EYS: variants seen among roughly 807,000 people sequenced by gnomAD.
EYS encodes protein eyes shut homolog.
In EYS, 250 loss-of-function variants were observed where a neutral mutation model predicts 282.1. That is an observed-to-expected ratio of 0.89 (90% confidence interval 0.80 to 0.98). The LOEUF (loss-of-function observed/expected upper bound fraction) is 0.98. Among genes scored for constraint, EYS ranks in the 50% least tolerant of loss-of-function variants. The pLI is 0.00. For missense variants in EYS, 4,016 were observed against 3,709.0 expected, an observed-to-expected ratio of 1.08 and a Z score of -2.15; for synonymous variants, 1,355 against 1,282.9, an observed-to-expected ratio of 1.06 and a Z score of -1.20.
At chr6:63,805,505 A>G (rs1770881842) in intron 37 of EYS, among the ~76,000 whole-genome samples, 1 of 152,242 alleles carries the variant, frequency 6.6e-6, no homozygotes. Context: ...AACAGAGGAA[A>G]GGACAAATCA....
intron 12 of EYS, among the ~76,000 whole-genome samples, chr6:65,108,015 T>G (rs139690324): frequency 6.6e-6 from 1 of 152,132 alleles, no homozygotes; most frequent in Non-Finnish European, 1.5e-5. Flanking sequence ...TACAATCATG[T>G]TTTTAAAGAA....
intron 13 of EYS, among the ~76,000 whole-genome samples, chr6:65,044,377 A>C (rs1773034867): frequency 6.6e-6 from 1 of 151,480 alleles, no homozygotes; most frequent in Non-Finnish European, 1.5e-5. Context: ...GAAGCTTTTT[A>C]CCTTGATTTC....
At chr6:64,024,563 G>A in intron 33 of EYS, among the ~76,000 whole-genome samples, 1 of 152,068 alleles carries the variant, frequency 6.6e-6, no homozygotes, top group East Asian at 1.9e-4. Context: ...CACTGTGGAA[G>A]CTTTGTTCTT....
intron 22 of EYS, among the ~76,000 whole-genome samples, chr6:64,633,101 T>C (rs1185077402): frequency 6.6e-6 from 1 of 152,178 alleles, no homozygotes; most frequent in East Asian, 1.9e-4. Context: ...ACTTTTATCC[T>C]GAGTAATTCT....
At chr6:64,976,046 T>C (rs1770466736) in intron 14 of EYS, among the ~76,000 whole-genome samples, 1 of 151,892 alleles carries the variant, frequency 6.6e-6, no homozygotes, top group Admixed American at 6.6e-5. Flanking sequence ...CTAACTTTAT[T>C]AAATGAATCT....
At chr6:64,500,781 C>T (rs754745394) in intron 26 of EYS, among the ~76,000 whole-genome samples, 7 of 151,916 alleles carry the variant, frequency 4.6e-5, no homozygotes, top group Non-Finnish European at 1.0e-4. Context: ...CTCAGAGCAT[C>T]CATCAGGAAA....
intron 22 of EYS, among the ~76,000 whole-genome samples, chr6:64,634,615 C>G (rs1380399593): frequency 6.6e-6 from 1 of 150,540 alleles, no homozygotes; most frequent in Non-Finnish European, 1.5e-5. Context: ...AGTCAATATA[C>G]TTGGGAACTG....
At chr6:64,599,454 G>T (rs1766695922) in intron 24 of EYS, among the ~76,000 whole-genome samples, 1 of 152,102 alleles carries the variant, frequency 6.6e-6, no homozygotes, top group South Asian at 2.1e-4. Context: ...TTGTAAATTT[G>T]TATTCCTATC....
intron 31 of EYS, among the ~76,000 whole-genome samples, chr6:64,217,134 G>A (rs909457667): frequency 4.6e-5 from 7 of 152,170 alleles, no homozygotes; most frequent in African/African-American, 1.7e-4. Flanking sequence ...AAAAGTAAGA[G>A]ACTAAAGATC....
intron 31 of EYS, among the ~76,000 whole-genome samples, chr6:64,087,527 C>T (rs1405269999): frequency 6.6e-6 from 1 of 152,078 alleles, no homozygotes; most frequent in Non-Finnish European, 1.5e-5. Context: ...TATCCTCCTA[C>T]AGTATACATT....
At chr6:63,808,897 T>C (rs1371506395) in intron 36 of EYS, among the ~76,000 whole-genome samples, 3 of 152,168 alleles carry the variant, frequency 2.0e-5, no homozygotes, top group African/African-American at 7.2e-5. Context: ...AAATAAAATA[T>C]ATTACTAAAA....
At chr6:65,400,216 C>A (rs1265906574) in intron 7 of EYS, among the ~76,000 whole-genome samples, 2 of 151,980 alleles carry the variant, frequency 1.3e-5, no homozygotes, top group African/African-American at 4.8e-5. Context: ...ATGGCTAAAC[C>A]ACCACCCAAA....
At chr6:64,579,448 AC>A (rs1453883827) in intron 26 of EYS, among the ~76,000 whole-genome samples, 3 of 152,102 alleles carry the variant, frequency 2.0e-5, no homozygotes, top group Non-Finnish European at 4.4e-5. Context: ...CAAATCTTCA[AC>A]CCCAGATCAT....
intron 37 of EYS, 27 bp from the exon 38 acceptor site, chr6:63,789,251 G>T: frequency 6.5e-7 from 1 of 1,541,094 alleles, no homozygotes; most frequent in Non-Finnish European, 8.8e-7. Context: ...CATGGGGAAT[G>T]CTCACTGAGA....
intron 22 of EYS, among the ~76,000 whole-genome samples, chr6:64,662,794 A>T (rs1314143304): frequency 6.6e-6 from 1 of 152,170 alleles, no homozygotes; most frequent in Non-Finnish European, 1.5e-5. Context: ...TTGTGTTTTA[A>T]TAAGGTTAAG....
At chr6:65,067,871 A>G (rs557866600) in intron 12 of EYS, among the ~76,000 whole-genome samples, 1 of 152,264 alleles carries the variant, frequency 6.6e-6, no homozygotes, top group East Asian at 1.9e-4. Context: ...CATAGAGTCA[A>G]CTAATAATTT....
intron 2 of EYS, among the ~76,000 whole-genome samples, chr6:65,566,899 A>G (rs988262132): frequency 1.3e-5 from 2 of 152,140 alleles, no homozygotes; most frequent in Non-Finnish European, 2.9e-5. Context: ...ATCAAAGAAA[A>G]TTTGTTTACC....
At chr6:64,300,124 A>C (rs552190330) in intron 30 of EYS, among the ~76,000 whole-genome samples, 1 of 152,324 alleles carries the variant, frequency 6.6e-6, no homozygotes, top group East Asian at 1.9e-4. Flanking sequence ...AAGATCAACA[A>C]GGCAATCAGG....
At chr6:64,806,521 C>CT in intron 22 of EYS, among the ~76,000 whole-genome samples, 1 of 152,002 alleles carries the variant, frequency 6.6e-6, no homozygotes, top group South Asian at 2.1e-4. Context: ...TTCCTGCAAT[C>CT]TTTTTAAAAA....
Sources: gnomAD v4.1 joint callset for allele counts (sites outside exome capture counted in the v4.1 genomes callset) on GRCh38, gnomAD v4.1.1 for gene constraint, MANE v1.5 for transcripts, NCBI Gene and HGNC (gene_info 2026-07-23, HGNC 2026-07-21) for gene names.